The following BRINP1 variants were observed in gnomAD, a reference collection of about 807,000 sequenced individuals.
BRINP1 encodes BMP/retinoic acid inducible neural specific 1.
BRINP1 carries 17 observed loss-of-function variants against 72.9 expected under a neutral mutation model. The observed-to-expected ratio is 0.23, with a 90% CI of 0.16 to 0.35. The LOEUF (loss-of-function observed/expected upper bound fraction) is 0.35, where lower values mean the gene tolerates loss of function less well. Among genes scored for constraint, BRINP1 ranks in the 10% least tolerant of loss-of-function variants. BRINP1 has a pLI of 1.00. For missense variants in BRINP1, 850 were observed against 1,001.6 expected, an observed-to-expected ratio of 0.85 and a Z score of 2.04; for synonymous variants, 418 against 378.5, an observed-to-expected ratio of 1.10 and a Z score of -1.21.
intron 2 of BRINP1, among the ~76,000 whole-genome samples, chr9:119,262,598 A>T (rs1564232092): frequency 6.7e-6 from 1 of 149,088 alleles, no homozygotes; most frequent in Non-Finnish European, 1.5e-5. Context: ...GTGAGCCGAG[A>T]TCATGCCATT....
chr9:119,170,650 G>A (rs1487965237), intron 7 of BRINP1, among the ~76,000 whole-genome samples: 1 of 139,808 alleles, frequency 7.2e-6, no homozygotes, highest in Non-Finnish European at 1.5e-5. Context: ...GATACTCCTT[G>A]AGAAGAGCAA....
At chr9:119,242,242 G>A in intron 3 of BRINP1, 26 bp from the exon 4 acceptor site, 1 of 1,608,316 alleles carries the variant, frequency 6.2e-7, no homozygotes, top group African/African-American at 1.3e-5. Flanking sequence ...AAGTAGATAA[G>A]AAGGTTTGTG....
At chr9:119,304,281 A>G (rs1396117715) in intron 2 of BRINP1, among the ~76,000 whole-genome samples, 2 of 152,216 alleles carry the variant, frequency 1.3e-5, no homozygotes, top group African/African-American at 4.8e-5. Context: ...GGTTTAAGCA[A>G]CGTGCCTAAG....
chr9:119,217,476 C>A (rs1390606800), intron 5 of BRINP1, among the ~76,000 whole-genome samples: 3 of 152,120 alleles, frequency 2.0e-5, no homozygotes, highest in Non-Finnish European at 4.4e-5. Context: ...TTTATTTGAA[C>A]ATCAACTCAC....
At chr9:119,320,458 TCAAAG>T (rs1564247465) in intron 1 of BRINP1, among the ~76,000 whole-genome samples, 1 of 152,138 alleles carries the variant, frequency 6.6e-6, no homozygotes, top group African/African-American at 2.4e-5. Flanking sequence ...GCCAGGGCCC[TCAAAG>T]AGCTTATTTT....
chr9:119,170,135 G>A (rs1277571278), intron 7 of BRINP1, among the ~76,000 whole-genome samples: 1 of 152,076 alleles, frequency 6.6e-6, no homozygotes, highest in Non-Finnish European at 1.5e-5. Flanking sequence ...GATGGAGAAT[G>A]ACTTTGACGA....
chr9:119,212,012 G>GT lies in BRINP1; in HGVS notation c.922+1906dup, dbSNP rs577851146. 2.8e-3 allele frequency among the ~76,000 whole-genome samples: 431 copies of GT among 151,274 alleles called. 2 individuals are homozygous for GT. The highest frequency in any genetic ancestry group is 0.01 in the Middle Eastern group (3 of 288). On this transcript the variant is annotated intron_variant, in intron 6 of 7. Transcript: ENST00000265922. ...CTCTGTTTTTTTTTTGTTTGTTTTT[G>GT]TTTTTTGTAGTAATCAGCCAAATCT...
At chr9:119,238,433 A>G (rs1161017164) in intron 5 of BRINP1, among the ~76,000 whole-genome samples, 1 of 152,216 alleles carries the variant, frequency 6.6e-6, no homozygotes, top group Non-Finnish European at 1.5e-5. Flanking sequence ...AAACTAATTA[A>G]TAATCATGAA....
intron 1 of BRINP1, among the ~76,000 whole-genome samples, chr9:119,353,822 CTTTTTTTTTTT>C (rs138900910): frequency 1.6e-4 from 5 of 30,924 alleles, no homozygotes; most frequent in East Asian, 1.3e-3. Context: ...GTTTTGAGCA[CTTTTTTTTTTT>C]TTTTTTTTTT....
At position 119,166,875 on chromosome 9, in the gene BRINP1, AGAGT is replaced by A. The variant is rs1829318904; in HGVS notation, c.*205_*208del. ...AAAGGCTGAGACCCTTCTTCATGAC[AGAGT>A]GAGTATAGAAATAACAAACATGCCC... is the stretch of plus-strand genomic sequence containing the variant. On this transcript the variant is annotated 3_prime_UTR_variant, in exon 8 of 8. Coordinates refer to ENST00000265922, the MANE Select transcript of BRINP1 (RefSeq NM_014618.3). 1 of 555,780 alleles carries A rather than the reference AGAGT, an allele frequency of 1.8e-6. No homozygotes were observed. Among genetic ancestry groups the A allele is most frequent in the South Asian group, 2.3e-5 (1 of 43,100 alleles). 34.4% of individuals were successfully genotyped at this position (555,780 alleles called of 1,614,324 possible).
chr9:119,167,256 C>T lies in BRINP1; in HGVS notation c.2114G>A (p.Arg705His), dbSNP rs769963438. 3.7e-6 allele frequency: 6 copies of T among 1,614,112 alleles called. No individual in the cohort carries two copies. The highest frequency in any genetic ancestry group is 3.3e-5 in the Admixed American group (2 of 60,020). ...CCCCGGGGCCACAGGAGGGGCCAGG[C>T]GATTAATTCGGTCCCGAATATCCAA... ...LLLDIRDRIN[R>H]LAPPVAPGKP... The change falls in exon 8 of 8, where the codon CGC (arginine) becomes CAC (histidine). Residue 705 changes from arginine (R) to histidine (H), a missense_variant. Coordinates refer to ENST00000265922, the MANE Select transcript of BRINP1 (RefSeq NM_014618.3). The surrounding 1 kb of genome is among the most constrained non-coding windows in gnomAD (Gnocchi z 4.3).
intron 7 of BRINP1, among the ~76,000 whole-genome samples, chr9:119,172,575 C>T (rs1041375177): frequency 6.6e-6 from 1 of 151,458 alleles, no homozygotes; most frequent in African/African-American, 2.4e-5. Flanking sequence ...GGTACCATTC[C>T]TTCTGAAACT....
chr9:119,357,924 A>G (rs1831585298), intron 1 of BRINP1, among the ~76,000 whole-genome samples: 1 of 152,206 alleles, frequency 6.6e-6, no homozygotes, highest in Non-Finnish European at 1.5e-5. Context: ...TGGTGTATAA[A>G]GGAATGGCAA....
intron 1 of BRINP1, among the ~76,000 whole-genome samples, chr9:119,360,922 G>A (rs1831622605): frequency 2.0e-5 from 3 of 152,176 alleles, no homozygotes; most frequent in African/African-American, 4.8e-5. Flanking sequence ...TGTTGCTTTT[G>A]TTAATTACCT....
Position 119,168,155 on chromosome 9 carries a change from G to C in BRINP1, c.1215C>G (p.Thr405=), listed in dbSNP as rs1168912642. 2.5e-6 allele frequency: 4 copies of C among 1,587,518 alleles called. No individual in the cohort carries two copies. Among genetic ancestry groups the C allele is most frequent in the Non-Finnish European group, 3.4e-6 (4 of 1,165,040 alleles). ...CGCAGCTCCGCTGGCTCTCCAGGAA[G>C]GTTCCCCAAAACCCATTCTCATTAC... ...LYCNENGFWG[T]FLESQRSCVC... is the part of the protein sequence containing the mutation. Residue 405 remains threonine (T), a synonymous_variant, in exon 8 of 8, where the codon ACC becomes ACG. Coordinates refer to ENST00000265922, the MANE Select transcript of BRINP1 (RefSeq NM_014618.3).
intron 2 of BRINP1, among the ~76,000 whole-genome samples, chr9:119,292,020 A>C (rs918961305): frequency 6.6e-6 from 1 of 152,194 alleles, no homozygotes; most frequent in African/African-American, 2.4e-5. Context: ...AGAAAATGAC[A>C]CTCAATGAGA....
chr9:119,314,440 A>G (rs1475673979), intron 1 of BRINP1, among the ~76,000 whole-genome samples: 2 of 152,208 alleles, frequency 1.3e-5, no homozygotes, highest in Non-Finnish European at 2.9e-5. Flanking sequence ...ATCTCAGCTC[A>G]CTACAACCTC....
intron 5 of BRINP1, among the ~76,000 whole-genome samples, chr9:119,226,186 T>C (rs1175845580): frequency 1.3e-5 from 2 of 151,966 alleles, no homozygotes; most frequent in Non-Finnish European, 2.9e-5. Flanking sequence ...GGTAAGTTGT[T>C]AGGAAGAAGA....
intron 7 of BRINP1, among the ~76,000 whole-genome samples, chr9:119,205,868 C>G (rs1041115174): frequency 1.3e-5 from 2 of 152,084 alleles, no homozygotes; most frequent in East Asian, 3.9e-4. Context: ...CATGGCCCTC[C>G]TCAATCAGAT....
Sources: gnomAD v4.1 joint callset for allele counts (sites outside exome capture counted in the v4.1 genomes callset) on GRCh38, gnomAD v4.1.1 for gene constraint, Gnocchi (gnomAD v3.1) non-coding constraint, MANE v1.5 for transcripts, NCBI Gene and HGNC (gene_info 2026-07-23, HGNC 2026-07-21) for gene names.